The following PDS5A variants were observed in gnomAD, a reference collection of about 807,000 sequenced individuals.
PDS5A encodes sister chromatid cohesion protein PDS5 homolog A.
In PDS5A, 42 loss-of-function variants were observed where a neutral mutation model predicts 167.1. That is an observed-to-expected ratio of 0.25 (90% CI 0.20 to 0.33). PDS5A has a LOEUF of 0.33. PDS5A is among the 10% of genes least tolerant of loss of function. The pLI is 1.00. For synonymous variants in PDS5A, 553 were observed against 554.6 expected (o/e 1.00, Z 0.04); for missense variants, 1,033 against 1,605.9 (o/e 0.64, Z 6.10).
chr4:39,913,271 G>A (rs1293661884), intron 9 of PDS5A, among the ~76,000 whole-genome samples: 2 of 151,826 alleles, frequency 1.3e-5, no homozygotes, highest in South Asian at 2.1e-4. Context: ...TTTTAGTAGA[G>A]ACACCATGTT....
intron 2 of PDS5A, among the ~76,000 whole-genome samples, chr4:39,966,317 C>T (rs1387489706): frequency 6.6e-6 from 1 of 152,132 alleles, no homozygotes; most frequent in East Asian, 1.9e-4. Flanking sequence ...CTTCAGGGGT[C>T]CTCCTGGAGG....
intron 7 of PDS5A, among the ~76,000 whole-genome samples, chr4:39,918,763 G>A (rs1724645464): frequency 6.6e-6 from 1 of 152,144 alleles, no homozygotes. Flanking sequence ...TGGAGCAGGA[G>A]AATCGCTTGA....
chr4:39,910,824 G>A (rs565845922), intron 9 of PDS5A, among the ~76,000 whole-genome samples: 31 of 152,184 alleles, frequency 2.0e-4, no homozygotes, highest in African/African-American at 7.5e-4. Context: ...GCAAAACCCT[G>A]TCTCTACAAA....
chr4:39,974,397 T>C (rs1730872161), intron 2 of PDS5A: 1 of 371,324 alleles, frequency 2.7e-6, no homozygotes, highest in Non-Finnish European at 5.2e-6. Flanking sequence ...ATATTCTTAA[T>C]TTGAAAACAA....
intron 26 of PDS5A, among the ~76,000 whole-genome samples, chr4:39,855,074 T>C (rs1222832617): frequency 2.0e-5 from 3 of 152,122 alleles, no homozygotes; most frequent in Admixed American, 6.6e-5. Context: ...CAGATATCAA[T>C]TGCAACAACA....
rs191005753 is a variant in PDS5A, at chr4:39,925,907, G to A, written c.456C>T (p.Asn152=). The change falls in exon 5 of 33, where the codon AAC becomes AAT. Residue 152 remains asparagine, a synonymous_variant. Transcript: ENST00000303538. Reference sequence around the variant, plus strand: ...TGCAATCTTCCAATTCAAAGCAGATGTTATATGATTTAACCCAAGCTAAAT... The same window carrying A: ...TGCAATCTTCCAATTCAAAGCAGATATTATATGATTTAACCCAAGCTAAAT... The part of the protein sequence containing the change: ...LENLAWVKSY[N]ICFELEDCNE... The A allele has an allele frequency of 3.7e-4, 552 of 1,481,754 alleles. 1 individual carries two copies. The African/African-American group carries it at 6.9e-3, about 19-fold the overall frequency. The allele number at this position is 1,481,754 out of a possible 1,614,324, so 91.8% of individuals were successfully genotyped here.
At position 39,862,903 on chromosome 4, in the gene PDS5A, G is replaced by T; in HGVS notation, c.2937C>A (p.Arg979=). The change falls in exon 25 of 33, where the codon CGC becomes CGA. Residue 979 remains arginine (R), a synonymous_variant. Transcript: ENST00000303538. ...TAGGATTCTGCTTAATGTATTCCCTGCGTATACTGATATTTTTCAGTAAAC... is the reference window on the plus strand; with the variant it reads ...TAGGATTCTGCTTAATGTATTCCCTTCGTATACTGATATTTTTCAGTAAAC... ...RQCLLKNISI[R]REYIKQNPMA... 6.2e-7 allele frequency: 1 copy of T among 1,610,800 alleles called. No homozygotes were observed.
rs575722575 is a variant in PDS5A, at chr4:39,922,561, C to T, written c.654+61G>A. On this transcript the variant is annotated intron_variant, in intron 6 of 32. Coordinates refer to ENST00000303538, the MANE Select transcript of PDS5A (RefSeq NM_001100399.2). The stretch of plus-strand genomic sequence containing the variant: ...TGCAAATGGCCATAAAACAACTGTT[C>T]ATTCTTATGTGTGGCGTGACTGTTA... 1.1e-5 allele frequency: 15 copies of T among 1,375,402 alleles called. No individual in the cohort carries two copies. The East Asian group carries it at 2.8e-4, about 25-fold the overall frequency. The allele number at this position is 1,375,402 out of a possible 1,614,324, so 85.2% of individuals were successfully genotyped here. A position where few individuals can be genotyped will look rare whatever the true frequency, so the allele number is the denominator to read the frequency against.
chr4:39,943,548 CCAGGG>C (rs1252859060), intron 2 of PDS5A, among the ~76,000 whole-genome samples: 1 of 150,278 alleles, frequency 6.7e-6, no homozygotes, highest in Non-Finnish European at 1.5e-5. Context: ...CTTTGGGAGG[CCAGGG>C]CAGGCGGATC....
At chr4:39,957,805 A>AG (rs1460298184) in intron 2 of PDS5A, among the ~76,000 whole-genome samples, 5 of 151,300 alleles carry the variant, frequency 3.3e-5, no homozygotes, top group Non-Finnish European at 7.4e-5. Flanking sequence ...AAAAAAAAAA[A>AG]AGAAATGGAT....
intron 11 of PDS5A, among the ~76,000 whole-genome samples, chr4:39,905,415 G>A (rs2002931): frequency 0.22 from 33,623 of 151,856 alleles, 4,684 homozygotes; most frequent in Middle Eastern, 0.33. Context: ...AAAATTAGCC[G>A]GGCATGGTGG....
In PDS5A at chr4:39,876,134, T is replaced by C. The variant is rs534900686; in HGVS notation, c.2153+859A>G. Among the ~76,000 whole-genome samples the C allele has an allele frequency of 1.9e-3, 294 of 152,222 alleles. 1 individual carries two copies. Among genetic ancestry groups the C allele is most frequent in the African/African-American group, 6.8e-3 (281 of 41,568 alleles). ...TAGAATTCCTCTAAGAATAGTTTCT[T>C]TGCCTTGAAAAAATGTATAGGATTT... On this transcript the variant is annotated intron_variant, in intron 19 of 32. Coordinates refer to ENST00000303538, the MANE Select transcript of PDS5A (RefSeq NM_001100399.2).
Position 39,863,395 on chromosome 4 carries a change from G to C in PDS5A, c.2707C>G (p.Pro903Ala), listed in dbSNP as rs763421396. ...GSAIMKLAQE[P>A]CYHEIITPEQ... is the part of the protein sequence containing the mutation. ...GGGGTAATAATTTCATGGTAACAAG[G>C]TTCCTGAGCAAGCTTCATTATGGCA... The change falls in exon 24 of 33, where the codon CCT (proline) becomes GCT (alanine). Residue 903 changes from proline to alanine, a missense_variant. Around this residue, in one of 4 missense-constraint regions of PDS5A, gnomAD observed 367 missense variants for 686.7 expected, o/e 0.53. Transcript: ENST00000303538. 6.2e-7 allele frequency: 1 copy of C among 1,609,638 alleles called. No individual in the cohort carries two copies. Among genetic ancestry groups the C allele is most frequent in the Non-Finnish European group, 8.5e-7 (1 of 1,176,474 alleles).
chr4:39,879,874 A>G, intron 17 of PDS5A, 41 bp from the exon 18 acceptor site: 3 of 1,079,896 alleles, frequency 2.8e-6, no homozygotes, highest in Non-Finnish European at 4.3e-6. Context: ...CCACTGTAGT[A>G]GTAACTATAT....
At chr4:39,965,554 A>G (rs1729894734) in intron 2 of PDS5A, among the ~76,000 whole-genome samples, 1 of 152,258 alleles carries the variant, frequency 6.6e-6, no homozygotes, top group Non-Finnish European at 1.5e-5. Context: ...ACAATGGAAT[A>G]TTATTCAGCT....
chr4:39,896,683 G>A (rs1349842031), intron 16 of PDS5A, among the ~76,000 whole-genome samples: 3 of 151,628 alleles, frequency 2.0e-5, no homozygotes, highest in Admixed American at 6.6e-5. Flanking sequence ...AGAGGATCAC[G>A]TGAACCCAGG....
rs1300148587 is a variant in PDS5A, at chr4:39,874,280, T to C, written c.2277+9A>G. Reference sequence around the variant, plus strand: ...ACCAATATAAACACAACCTATATATTAGATATACCTCAAAAATCTGTGCAA... The same window carrying C: ...ACCAATATAAACACAACCTATATATCAGATATACCTCAAAAATCTGTGCAA... On this transcript the variant is annotated intron_variant, in intron 20 of 32. Coordinates refer to ENST00000303538, the MANE Select transcript of PDS5A (RefSeq NM_001100399.2). 1.2e-6 allele frequency: 2 copies of C among 1,607,552 alleles called. No homozygotes were observed. Among genetic ancestry groups the C allele is most frequent in the African/African-American group, 2.7e-5 (2 of 74,772 alleles).
rs185967308 is a variant in PDS5A, at chr4:39,824,763, A to G, written c.*722T>C. On this transcript the variant is annotated 3_prime_UTR_variant, in exon 33 of 33. Coordinates refer to ENST00000303538, the MANE Select transcript of PDS5A (RefSeq NM_001100399.2). ...ATGTACATTTATTGCAAATTATATT[A>G]AACTAAAATGAGGGGAAATCAAAAT... 5.1e-4 allele frequency: 78 copies of G among 152,772 alleles called. 2 individuals are homozygous for G. Among genetic ancestry groups the G allele is most frequent in the Non-Finnish European group, 1.0e-4 (7 of 68,044 alleles). 9.5% of individuals were successfully genotyped at this position (152,772 alleles called of 1,614,324 possible). A position where few individuals can be genotyped will look rare whatever the true frequency, so the allele number is the denominator to read the frequency against.
At chr4:39,927,938 A>G (rs768370478) in intron 3 of PDS5A, 23 bp downstream of exon 3, 7 of 1,528,668 alleles carry the variant, frequency 4.6e-6, no homozygotes, top group South Asian at 2.2e-5. Flanking sequence ...AAAATACAAT[A>G]AAGTGAAAAA....
Sources: gnomAD v4.1 joint callset for allele counts (sites outside exome capture counted in the v4.1 genomes callset) on GRCh38, gnomAD v4.1.1 for gene constraint, gnomAD v4.1.1 regional missense constraint, MANE v1.5 for transcripts, NCBI Gene and HGNC (gene_info 2026-07-23, HGNC 2026-07-21) for gene names.